Variants in MAP3K12 observed in about 807,000 individuals in gnomAD.
MAP3K12 encodes the protein mitogen-activated protein kinase kinase kinase 12.
A neutral mutation model predicts 87.5 loss-of-function variants in MAP3K12; 14 were observed. That is an observed-to-expected ratio of 0.16 (90% CI 0.11 to 0.25). The LOEUF (loss-of-function observed/expected upper bound fraction) is 0.25, where lower values mean the gene tolerates loss of function less well. MAP3K12 is among the 10% of genes least tolerant of loss of function. MAP3K12 has a pLI of 1.00. For missense variants in MAP3K12, 802 were observed against 1,140.4 expected, an observed-to-expected ratio of 0.70 and a Z score of 4.27; for synonymous variants, 469 against 452.5, an observed-to-expected ratio of 1.04 and a Z score of -0.46.
chr12:53,495,388 G>A (rs1012073257), intron 1 of MAP3K12, among the ~76,000 whole-genome samples: 3 of 121,360 alleles, frequency 2.5e-5, no homozygotes, highest in African/African-American at 6.1e-5. Flanking sequence ...AGTTGCTCAC[G>A]CCTGTAATCC....
At chr12:53,495,730 G>T (rs1001227149) in intron 1 of MAP3K12, among the ~76,000 whole-genome samples, 23 of 151,998 alleles carry the variant, frequency 1.5e-4, no homozygotes, top group Non-Finnish European at 3.1e-4. Flanking sequence ...CGCAGTCCTG[G>T]CCCCAGGATC....
intron 1 of MAP3K12, among the ~76,000 whole-genome samples, chr12:53,488,644 A>G (rs918765652): frequency 6.6e-6 from 1 of 151,572 alleles, no homozygotes; most frequent in Non-Finnish European, 1.5e-5. Flanking sequence ...CTGGGCAACA[A>G]GAGCGAAACT....
Position 53,485,100 on chromosome 12 carries a change from G to C in MAP3K12, c.1095C>G (p.Pro365=). 6.2e-7 allele frequency: 1 copy of C among 1,614,184 alleles called. No individual in the cohort carries two copies. The highest frequency in any genetic ancestry group is 8.5e-7 in the Non-Finnish European group (1 of 1,180,046). Residue 365 remains proline, a synonymous_variant, in exon 6 of 14, where the codon CCC becomes CCG. Coordinates refer to ENST00000547488, the MANE Select transcript of MAP3K12 (RefSeq NM_001193511.2). ...VGSNSLHLPV[P]SSCPDGFKIL... is the part of the protein sequence containing the mutation. Reference sequence around the variant, plus strand: ...TCTTGAAACCATCTGGGCAACTGGAGGGCACGGGCAGATGGAGACTGTTGC... The same window carrying C: ...TCTTGAAACCATCTGGGCAACTGGACGGCACGGGCAGATGGAGACTGTTGC...
At chr12:53,482,523 A>C in intron 11 of MAP3K12, 42 bp downstream of exon 11, 3 of 1,595,896 alleles carry the variant, frequency 1.9e-6, no homozygotes, top group Non-Finnish European at 2.6e-6. Context: ...CAGGGAGGAT[A>C]AGGAAAAAGG....
Position 53,482,811 on chromosome 12 carries a change from A to T in MAP3K12, c.1992T>A (p.Asp664Glu). The T allele has an allele frequency of 1.9e-6, 3 of 1,611,382 alleles. No homozygotes were observed. Among genetic ancestry groups the T allele is most frequent in the Middle Eastern group, 3.3e-4 (2 of 6,026 alleles). Residue 664 changes from aspartate (D) to glutamate (E), a missense_variant, in exon 11 of 14, where the codon GAT becomes GAA. Around this residue, in one of 5 missense-constraint regions of MAP3K12, gnomAD observed 490 missense variants for 496.6 expected, o/e 0.99. Coordinates refer to ENST00000547488, the MANE Select transcript of MAP3K12 (RefSeq NM_001193511.2). ...CCCGGGCCGGAGGTGGTGAGCCAGG[A>T]TCCCCAGCTCCGCCTGTGGCCCCCC... ...RGRGATGGAG[D>E]PGSPPPARGD...
upstream of MAP3K12, chr12:53,501,235 T>A (rs1943685362): frequency 5.8e-6 from 4 of 684,210 alleles, no homozygotes; most frequent in Admixed American, 5.6e-5. Flanking sequence ...ATAGCTCCCC[T>A]CCAGATGGAG....
Position 53,482,210 on chromosome 12 carries a change from A to G in MAP3K12, c.2311T>C (p.Trp771Arg). ...TGGCGCATGTTCAGGCTCTGAGGCCACCTACATGTTGAAGAGGGGGATTAC... is the reference window on the plus strand; with the variant it reads ...TGGCGCATGTTCAGGCTCTGAGGCCGCCTACATGTTGAAGAGGGGGATTAC... Reference protein sequence around the residue: ...SEVELTSSQRWPQSLNMRQSL... With the variant: ...SEVELTSSQRRPQSLNMRQSL... Residue 771 changes from tryptophan to arginine, a missense_variant and splice_region_variant, in exon 13 of 14, where the codon TGG becomes CGG. Coordinates refer to ENST00000547488, the MANE Select transcript of MAP3K12 (RefSeq NM_001193511.2). 2 of 1,614,114 alleles carry G rather than the reference A, an allele frequency of 1.2e-6. No individual in the cohort carries two copies. Among genetic ancestry groups the G allele is most frequent in the African/African-American group, 1.3e-5 (1 of 75,042 alleles).
chr12:53,484,962 A>T (rs1435697567), intron 6 of MAP3K12, 94 bp downstream of exon 6: 1 of 1,486,798 alleles, frequency 6.7e-7, no homozygotes, highest in Admixed American at 1.9e-5. Context: ...CTTTGAATTA[A>T]ATGTACCCCT....
rs1162098148 is a variant in MAP3K12 at position 53,482,928 on chromosome 12, G to A, written c.1875C>T (p.Pro625=). The stretch of plus-strand genomic sequence containing the variant: ...GGTCATGATGAAGCCCACGGAGGGC[G>A]GGAGGGCAGGCCTCCCAGGCTGAGG... ...GGPSAWEACP[P]ALRGLHHDLL... Residue 625 remains proline (P), a synonymous_variant, in exon 11 of 14, where the codon CCC becomes CCT. Coordinates refer to ENST00000547488, the MANE Select transcript of MAP3K12 (RefSeq NM_001193511.2). 15 of 1,608,352 alleles carry A rather than the reference G, an allele frequency of 9.3e-6. No individual in the cohort carries two copies. Among genetic ancestry groups the A allele is most frequent in the Middle Eastern group, 3.3e-4 (2 of 6,070 alleles).
In MAP3K12 at chr12:53,482,230, G is replaced by T; in HGVS notation, c.2310-19C>A. Reference sequence around the variant, plus strand: ...AGGCCACCTACATGTTGAAGAGGGGGATTACAGCTTGGTTCTGCCCCTAGC... The same window carrying T: ...AGGCCACCTACATGTTGAAGAGGGGTATTACAGCTTGGTTCTGCCCCTAGC... On this transcript the variant is annotated intron_variant, in intron 12 of 13. Transcript: ENST00000547488. 1.2e-6 allele frequency: 2 copies of T among 1,614,154 alleles called. No homozygotes were observed. The highest frequency in any genetic ancestry group is 2.2e-5 in the South Asian group (2 of 91,084).
chr12:53,501,458 C>T (rs1943699146), upstream of MAP3K12: 1 of 1,567,340 alleles, frequency 6.4e-7, no homozygotes, highest in Non-Finnish European at 8.7e-7. Context: ...TGCGGGCTGC[C>T]TAGGTGAGCC....
At chr12:53,495,843 T>C (rs911424581) in intron 1 of MAP3K12, among the ~76,000 whole-genome samples, 2 of 152,120 alleles carry the variant, frequency 1.3e-5, no homozygotes, top group Non-Finnish European at 2.9e-5. Context: ...TAAATTCGGG[T>C]CTTTGATTGG....
At chr12:53,495,655 G>C (rs896248394) in intron 1 of MAP3K12, among the ~76,000 whole-genome samples, 10 of 151,594 alleles carry the variant, frequency 6.6e-5, no homozygotes, top group African/African-American at 2.4e-4. Context: ...CTCCCAAAAT[G>C]CTGGCATTAC....
chr12:53,494,173 G>C (rs995665562), intron 1 of MAP3K12, among the ~76,000 whole-genome samples: 1 of 152,212 alleles, frequency 6.6e-6, no homozygotes, highest in Non-Finnish European at 1.5e-5. Flanking sequence ...GGAGCCCCTG[G>C]CCCAGACGTT....
chr12:53,486,849 G>T lies in MAP3K12; in HGVS notation c.445+98C>A. 1 of 1,560,110 alleles carries T rather than the reference G, an allele frequency of 6.4e-7. No individual in the cohort carries two copies. The highest frequency in any genetic ancestry group is 1.2e-5 in the South Asian group (1 of 81,244). On this transcript the variant is annotated intron_variant, in intron 2 of 13. Coordinates refer to ENST00000547488, the MANE Select transcript of MAP3K12 (RefSeq NM_001193511.2). This position sits in a 1 kb window ranked among gnomAD's most constrained non-coding sequence, Gnocchi z 4.9. ...GGCTAAGGGACTAGGGCTGGGCCATGGGGAGGGAAGGGACCATTGCGTGAC... is the reference window on the plus strand; with the variant it reads ...GGCTAAGGGACTAGGGCTGGGCCATTGGGAGGGAAGGGACCATTGCGTGAC...
chr12:53,492,827 AGACTCTGG>A (rs899123131), intron 1 of MAP3K12, among the ~76,000 whole-genome samples: 9 of 151,764 alleles, frequency 5.9e-5, no homozygotes, highest in African/African-American at 2.2e-4. Flanking sequence ...ACAAGGCCCA[AGACTCTGG>A]GACGCTCTCG....
rs201111587 is a variant in MAP3K12 at position 53,484,333 on chromosome 12, C to T, written c.1172G>A (p.Arg391Gln). 9.3e-6 allele frequency: 15 copies of T among 1,614,084 alleles called. No homozygotes were observed. In the Admixed American group the frequency reaches 1.5e-4, roughly 16 times the overall value. Reference sequence around the variant, plus strand: ...AATGTCCAGATGCAGCAGGATCTGTCGGAATGATGGGCGATTTCGTGGTTT... The same window carrying T: ...AATGTCCAGATGCAGCAGGATCTGTTGGAATGATGGGCGATTTCGTGGTTT... ...NSKPRNRPSF[R>Q]QILLHLDIAS... is the part of the protein sequence containing the mutation. Residue 391 changes from arginine to glutamine, a missense_variant, in exon 7 of 14, where the codon CGA becomes CAA. Physicochemically the swap from Arg to Gln is conservative, Grantham distance 43 (BLOSUM62 1). Around this residue, in one of 5 missense-constraint regions of MAP3K12, gnomAD observed 99 missense variants for 193.4 expected, o/e 0.51. Coordinates refer to ENST00000547488, the MANE Select transcript of MAP3K12 (RefSeq NM_001193511.2).
chr12:53,498,181 G>A (rs910382605), intron 1 of MAP3K12, among the ~76,000 whole-genome samples: 1 of 152,176 alleles, frequency 6.6e-6, no homozygotes, highest in African/African-American at 2.4e-5. Flanking sequence ...GAGATAGGAG[G>A]GAGTGGGGCC....
chr12:53,488,653 CTCTG>C (rs962079754), intron 1 of MAP3K12, among the ~76,000 whole-genome samples: 5 of 151,918 alleles, frequency 3.3e-5, no homozygotes, highest in African/African-American at 1.2e-4. Flanking sequence ...AAGAGCGAAA[CTCTG>C]TCTAAAAAAA....
Sources: gnomAD v4.1 joint callset for allele counts (sites outside exome capture counted in the v4.1 genomes callset) on GRCh38, gnomAD v4.1.1 for gene constraint, gnomAD v4.1.1 regional missense constraint, Gnocchi (gnomAD v3.1) non-coding constraint, MANE v1.5 for transcripts, NCBI Gene and HGNC (gene_info 2026-07-23, HGNC 2026-07-21) for gene names.